Variants in A1BG observed in about 807,000 individuals in gnomAD.
A1BG encodes the protein alpha-1-B glycoprotein.
A neutral mutation model predicts 46.0 loss-of-function variants in A1BG; 44 were observed. The ratio of observed to expected loss-of-function variants is 0.96; its 90% CI spans 0.75 to 1.23. The LOEUF is 1.23. Among genes scored for constraint, A1BG ranks in the 50% most tolerant of loss-of-function variants. The probability of loss-of-function intolerance (pLI) is 0.00; values close to 1 mark genes in which losing one functional copy is unlikely to be tolerated. For synonymous variants in A1BG, 316 were observed against 314.7 expected (o/e 1.00, Z -0.04); for missense variants, 707 against 688.8 (o/e 1.03, Z -0.30).
intron 5 of A1BG, 64 bp downstream of exon 5, chr19:58,351,327 C>G (rs998365241): frequency 7.0e-6 from 11 of 1,578,318 alleles, no homozygotes; most frequent in South Asian, 6.8e-5. Context: ...AGACTCTACA[C>G]CTGGTACTGC....
chr19:58,347,759 CCT>C, intron 6 of A1BG, 119 bp from the exon 7 acceptor site: 1 of 598,768 alleles, frequency 1.7e-6, no homozygotes. Flanking sequence ...CTTCATCTTC[CCT>C]GTCTTGTTCC....
In A1BG at chr19:58,346,921, C is replaced by G; in HGVS notation, c.*101G>C. ...GAATGAGGGAGGCTTCTCCAGCCCC[C>G]CAGAGACCCCGGCCTTGTGCTGCAA... On this transcript the variant is annotated 3_prime_UTR_variant, in exon 8 of 8. Transcript: ENST00000263100. The G allele has an allele frequency of 1.5e-6, 2 of 1,297,398 alleles. No homozygotes were observed. The highest frequency in any genetic ancestry group is 1.7e-5 in the Admixed American group (1 of 59,630). The allele number at this position is 1,297,398 out of a possible 1,614,324, so 80.4% of individuals were successfully genotyped here.
At position 58,352,462 on chromosome 19, in the gene A1BG, C is replaced by G. The variant is rs752023317; in HGVS notation, c.434G>C (p.Gly145Ala). 2.5e-6 allele frequency: 4 copies of G among 1,613,704 alleles called. No individual in the cohort carries two copies. Among genetic ancestry groups the G allele is most frequent in the East Asian group, 4.5e-5 (2 of 44,864 alleles). The change falls in exon 4 of 8, where the codon GGT (glycine) becomes GCT (alanine). Residue 145 changes from glycine to alanine, a missense_variant. Coordinates refer to ENST00000263100, the MANE Select transcript of A1BG (RefSeq NM_130786.4). ...TTAVCRGVLR[G>A]VTFLLRREGD... is the part of the protein sequence containing the mutation. ...CTCCCGCCTCAGCAGAAAAGTCACA[C>G]CCCGCAGCACACCTCGGCACACTGC...
Position 58,347,677 on chromosome 19 carries a change from C to CCCCAGGCCACGCGCCCAGGCCGCG in A1BG, c.1193-38_1193-37insCGCGGCCTGGGCGCGTGGCCTGGG. ...GGGCGGGTGGTCGGGCCAGGCCACG[C>CCCCAGGCCACGCGCCCAGGCCGCG]CCCAGGCCACGCCCCAGGCCACACC... On this transcript the variant is annotated intron_variant, in intron 6 of 7. Coordinates refer to ENST00000263100, the MANE Select transcript of A1BG (RefSeq NM_130786.4). 4.3e-5 allele frequency: 29 copies of CCCCAGGCCACGCGCCCAGGCCGCG among 671,754 alleles called. 1 individual carries two copies. The highest frequency in any genetic ancestry group is 9.1e-4 in the Middle Eastern group (2 of 2,198). The allele number at this position is 671,754 out of a possible 1,614,324, so 41.6% of individuals were successfully genotyped here.
At chr19:58,350,211 C>G (rs1328908810) in intron 6 of A1BG, 159 bp downstream of exon 6, 3 of 981,954 alleles carry the variant, frequency 3.1e-6, no homozygotes, top group South Asian at 1.8e-5. Flanking sequence ...TCCCCAGACC[C>G]TCGACCACCG....
rs1397372309 is a variant in A1BG, at chr19:58,350,281, G to A, written c.1192+89C>T. 2.5e-5 allele frequency: 36 copies of A among 1,427,952 alleles called. No homozygotes were observed. In the East Asian group the frequency reaches 3.9e-4, roughly 15 times the overall value. 88.5% of individuals were successfully genotyped at this position (1,427,952 alleles called of 1,614,324 possible). On this transcript the variant is annotated intron_variant, in intron 6 of 7. Coordinates refer to ENST00000263100, the MANE Select transcript of A1BG (RefSeq NM_130786.4). ...CTGAACCAAGGCCCAGAGCGCCGCC[G>A]TCGGACGCCCAAGGAAAGAGGGGAA...
chr19:58,353,395 A>C lies in A1BG; in HGVS notation c.34+9T>G, dbSNP rs2051985661. On this transcript the variant is annotated intron_variant, in intron 1 of 7. Transcript: ENST00000263100. The stretch of plus-strand genomic sequence containing the variant: ...CCGCCCCAGGGACCCAGACCCCAGG[A>C]GGCCTCACCCCACAGCAAGAGAAAG... 1 of 1,599,218 alleles carries C rather than the reference A, an allele frequency of 6.3e-7. No individual in the cohort carries two copies.
chr19:58,353,122 C>T lies in A1BG; in HGVS notation c.146G>A (p.Cys49Tyr). ...LKPLANVTLT[C>Y]QAHLETPDFQ... ...GTCTGGAGTCTCCAGGTGGGCCTGG[C>T]ACGTCAGCGTCACATTGGCCAAGGG... Residue 49 changes from cysteine to tyrosine, a missense_variant, in exon 3 of 8, where the codon TGC becomes TAC. Physicochemically the swap from Cys to Tyr is radical, Grantham distance 194. Transcript: ENST00000263100. 1 of 1,614,146 alleles carries T rather than the reference C, an allele frequency of 6.2e-7. No homozygotes were observed. The highest frequency in any genetic ancestry group is 8.5e-7 in the Non-Finnish European group (1 of 1,180,030).
intron 5 of A1BG, 167 bp from the exon 6 acceptor site, chr19:58,350,818 T>C (rs2051951195): frequency 3.4e-6 from 2 of 596,608 alleles, no homozygotes; most frequent in African/African-American, 2.0e-5. Context: ...ATCCCAGTCC[T>C]TGGATATCTC....
intron 7 of A1BG, 104 bp downstream of exon 7, chr19:58,347,248 AG>A (rs11345647): frequency 1 from 1,504,771 of 1,504,790 alleles, 752,376 homozygotes; most frequent in Middle Eastern, 1. Flanking sequence ...AGCGCTAACC[AG>A]GGGTGCCCAA....
In A1BG at chr19:58,347,442, T is replaced by A; in HGVS notation, c.1391A>T (p.His464Leu). 6.2e-7 allele frequency: 1 copy of A among 1,608,074 alleles called. No homozygotes were observed. Among genetic ancestry groups the A allele is most frequent in the African/African-American group, 1.3e-5 (1 of 74,726 alleles). Residue 464 changes from histidine (H) to leucine (L), a missense_variant, in exon 7 of 8, where the codon CAC becomes CTC. Physicochemically the swap from His to Leu is moderately conservative, Grantham distance 99. Transcript: ENST00000263100. ...NLELIFVGPQ[H>L]AGNYRCRYRS... ...GTAGCGGCACCTGTAGTTGCCGGCG[T>A]GCTGGGGCCCCACGAAGATCAGCTC...
rs568111461 is a variant in A1BG at position 58,353,016 on chromosome 19, C to T, written c.252G>A (p.Thr84=). ...SPAIKHQFLL[T]GDTQGRYRCR... is the part of the protein sequence containing the mutation. Reference sequence around the variant, plus strand: ...AGCGGTAGCGGCCCTGGGTGTCACCCGTCAGCAGGAACTGGTGCTTGATGG... The same window carrying T: ...AGCGGTAGCGGCCCTGGGTGTCACCTGTCAGCAGGAACTGGTGCTTGATGG... The change falls in exon 3 of 8, where the codon ACG becomes ACA. Residue 84 remains threonine, a synonymous_variant. Coordinates refer to ENST00000263100, the MANE Select transcript of A1BG (RefSeq NM_130786.4). The T allele has an allele frequency of 5.5e-5, 89 of 1,614,112 alleles. 1 individual carries two copies. Among genetic ancestry groups the T allele is most frequent in the South Asian group, 4.6e-4 (42 of 91,088 alleles).
rs115704323 is a variant in A1BG, at chr19:58,352,387, G to A, written c.509C>T (p.Ala170Val). Residue 170 changes from alanine (A) to valine (V), a missense_variant, in exon 4 of 8, where the codon GCC (alanine) becomes GTC (valine). Ala to Val is a moderately conservative substitution (Grantham distance 64). Transcript: ENST00000263100. ...GCCAGGCTGATGGACTGGAAAGGTG[G>A]CCTCCACATCCTCCTGGGCCTCAGG... ...EVPEAQEDVE[A>V]TFPVHQPGNY... 1,194 of 1,613,964 alleles carry A rather than the reference G, an allele frequency of 7.4e-4. 7 individuals are homozygous for A. In the African/African-American group the frequency reaches 0.013, roughly 18 times the overall value.
At chr19:58,352,876 A>G in intron 3 of A1BG, 52 bp downstream of exon 3, 1 of 1,559,554 alleles carries the variant, frequency 6.4e-7, no homozygotes, top group Non-Finnish European at 8.6e-7. Context: ...GAGACCCCCC[A>G]GTCAACAACC....
At position 58,346,751 on chromosome 19, in the gene A1BG, T is replaced by TAAG; in HGVS notation, c.*268_*270dup. On this transcript the variant is annotated 3_prime_UTR_variant, in exon 8 of 8. Coordinates refer to ENST00000263100, the MANE Select transcript of A1BG (RefSeq NM_130786.4). ...AAAAAAGAAAAGAAAACTGTGCTCT[T>TAAG]AAGAGCCAGTTCTCCACTCCTCTAC... 8.7e-6 allele frequency: 5 copies of TAAG among 577,724 alleles called. No individual in the cohort carries two copies. The South Asian group carries it at 1.0e-4, about 12-fold the overall frequency. The allele number at this position is 577,724 out of a possible 1,614,324, so 35.8% of individuals were successfully genotyped here. A position where few individuals can be genotyped will look rare whatever the true frequency, so the allele number is the denominator to read the frequency against.
rs534354368 is a variant in A1BG at position 58,351,184 on chromosome 19, G to C, written c.910+207C>G. 94 of 676,364 alleles carry C rather than the reference G, an allele frequency of 1.4e-4. 1 individual carries two copies. In the South Asian group the frequency reaches 1.7e-3, roughly 12 times the overall value. 41.9% of individuals were successfully genotyped at this position (676,364 alleles called of 1,614,324 possible). On this transcript the variant is annotated intron_variant, in intron 5 of 7. Transcript: ENST00000263100. Reference sequence around the variant, plus strand: ...GCCCCCTGTGGCCTGGGCCAGACCTGTTCACCCAGTTATTCCCTGTGGGGC... The same window carrying C: ...GCCCCCTGTGGCCTGGGCCAGACCTCTTCACCCAGTTATTCCCTGTGGGGC...
In A1BG at chr19:58,353,061, A is replaced by G; in HGVS notation, c.207T>C (p.Pro69=). 1 of 1,614,144 alleles carries G rather than the reference A, an allele frequency of 6.2e-7. No individual in the cohort carries two copies. The highest frequency in any genetic ancestry group is 8.5e-7 in the Non-Finnish European group (1 of 1,180,014). ...QLFKNGVAQE[P]VHLDSPAIKH... is the part of the protein sequence containing the mutation. ...TGATGGCAGGTGAGTCAAGGTGCACAGGCTCCTGGGCCACCCCATTCTTGA... is the reference window on the plus strand; with the variant it reads ...TGATGGCAGGTGAGTCAAGGTGCACGGGCTCCTGGGCCACCCCATTCTTGA... Residue 69 remains proline (P), a synonymous_variant, in exon 3 of 8, where the codon CCT becomes CCC. Coordinates refer to ENST00000263100, the MANE Select transcript of A1BG (RefSeq NM_130786.4).
At position 58,350,690 on chromosome 19, in the gene A1BG, G is replaced by T. The variant is rs906027790; in HGVS notation, c.911-39C>A. 5 of 1,334,314 alleles carry T rather than the reference G, an allele frequency of 3.7e-6. No individual in the cohort carries two copies. The African/African-American group carries it at 6.2e-5, about 17-fold the overall frequency. The allele number at this position is 1,334,314 out of a possible 1,614,324, so 82.7% of individuals were successfully genotyped here. ...CACGGGCTGACCCGGGCGCCCAGCG[G>T]CTGGCTCGGCCCTAACGCGTGGTCT... On this transcript the variant is annotated intron_variant, in intron 5 of 7. Coordinates refer to ENST00000263100, the MANE Select transcript of A1BG (RefSeq NM_130786.4).
chr19:58,348,851 T>C (rs2051933866), intron 6 of A1BG: 1 of 152,428 alleles, frequency 6.6e-6, no homozygotes, highest in Non-Finnish European at 1.5e-5. Flanking sequence ...AGTTTGATAC[T>C]GGCTGTTCTT....
Sources: gnomAD v4.1 joint callset for allele counts on GRCh38, gnomAD v4.1.1 for gene constraint, MANE v1.5 for transcripts, NCBI Gene and HGNC (gene_info 2026-07-23, HGNC 2026-07-21) for gene names.